Variants in SPOCK1 observed in about 807,000 individuals in gnomAD.
SPOCK1 encodes the protein testican-1.
A neutral mutation model predicts 55.3 loss-of-function variants in SPOCK1; 23 were observed. The ratio of observed to expected loss-of-function variants is 0.42; its 90% CI spans 0.30 to 0.59. The LOEUF is 0.59. SPOCK1 is among the 20% of genes least tolerant of loss of function. The pLI, the probability that SPOCK1 is intolerant of heterozygous loss-of-function variation, is 0.22. For missense variants in SPOCK1, 499 were observed against 552.5 expected (o/e 0.90, Z 0.97); for synonymous variants, 226 against 221.0 (o/e 1.02, Z -0.20).
chr5:137,189,202 G>A (rs964115674), intron 3 of SPOCK1, among the ~76,000 whole-genome samples: 2 of 152,242 alleles, frequency 1.3e-5, no homozygotes, highest in African/African-American at 4.8e-5. Flanking sequence ...AATTGGTGAA[G>A]GTGGCTACAC....
intron 6 of SPOCK1, among the ~76,000 whole-genome samples, chr5:137,058,404 G>T (rs562152927): frequency 6.6e-6 from 1 of 152,292 alleles, no homozygotes; most frequent in South Asian, 2.1e-4. Context: ...AAAGTGCTTA[G>T]CACAATTCAC....
chr5:137,236,403 G>A (rs1756182589), intron 3 of SPOCK1, among the ~76,000 whole-genome samples: 1 of 152,208 alleles, frequency 6.6e-6, no homozygotes, highest in Non-Finnish European at 1.5e-5. Context: ...GCATTATCAG[G>A]GTTAAGCTGC....
At chr5:137,330,913 G>A (rs967610916) in intron 2 of SPOCK1, among the ~76,000 whole-genome samples, 2 of 152,120 alleles carry the variant, frequency 1.3e-5, no homozygotes, top group African/African-American at 4.8e-5. Context: ...CACATTATAC[G>A]ATTTAATCCA....
At position 137,140,702 on chromosome 5, in the gene SPOCK1, A is replaced by C; in HGVS notation, c.233-8T>G. ...CCTTGGATGGGTCCAGGGCTGAGGCAAAAACAAGAAGGAGGGCAGGGTTTA... is the reference window on the plus strand; with the variant it reads ...CCTTGGATGGGTCCAGGGCTGAGGCCAAAACAAGAAGGAGGGCAGGGTTTA... On this transcript the variant is annotated splice_region_variant and splice_polypyrimidine_tract_variant and intron_variant, in intron 3 of 10. Coordinates refer to ENST00000394945, the MANE Select transcript of SPOCK1 (RefSeq NM_004598.4). The C allele has an allele frequency of 6.4e-7, 1 of 1,563,668 alleles. No homozygotes were observed. The highest frequency in any genetic ancestry group is 8.7e-7 in the Non-Finnish European group (1 of 1,154,676).
chr5:137,074,414 T>C (rs1752685905), intron 5 of SPOCK1, among the ~76,000 whole-genome samples: 2 of 152,220 alleles, frequency 1.3e-5, no homozygotes. Context: ...GGTGTCACAA[T>C]GCTGCAAATT....
chr5:137,265,514 CATAG>C (rs1487608757), intron 3 of SPOCK1, among the ~76,000 whole-genome samples: 1 of 152,198 alleles, frequency 6.6e-6, no homozygotes, highest in Non-Finnish European at 1.5e-5. Flanking sequence ...CAGTATTCTT[CATAG>C]ATAAAGTTTT....
intron 3 of SPOCK1, among the ~76,000 whole-genome samples, chr5:137,215,482 G>T (rs138560976): frequency 1.7e-4 from 26 of 152,278 alleles, no homozygotes; most frequent in Non-Finnish European, 3.5e-4. Context: ...ATGAGAATTA[G>T]AACAGTTGTG....
intron 3 of SPOCK1, among the ~76,000 whole-genome samples, chr5:137,257,498 TCACCAG>T (rs1412816951): frequency 6.6e-6 from 1 of 152,130 alleles, no homozygotes; most frequent in Non-Finnish European, 1.5e-5. Flanking sequence ...AAGAGGGCCC[TCACCAG>T]CACCCAGTTA....
chr5:137,382,988 A>C (rs1305667313), intron 2 of SPOCK1, among the ~76,000 whole-genome samples: 2 of 152,170 alleles, frequency 1.3e-5, no homozygotes, highest in African/African-American at 4.8e-5. Context: ...TCCACGTAGA[A>C]GAGCCAGCAC....
intron 2 of SPOCK1, among the ~76,000 whole-genome samples, chr5:137,482,348 G>A (rs755017056): frequency 2.0e-5 from 3 of 152,310 alleles, no homozygotes; most frequent in Admixed American, 6.5e-5. Context: ...AAGTAAAGAC[G>A]TGATCAGACA....
intron 5 of SPOCK1, among the ~76,000 whole-genome samples, chr5:137,102,140 ACTT>A (rs1244583535): frequency 2.6e-5 from 4 of 152,000 alleles, no homozygotes; most frequent in South Asian, 2.1e-4. Context: ...TTTTCCTCCC[ACTT>A]CTTCTGCTGA....
At chr5:137,107,031 C>T (rs756154266) in intron 5 of SPOCK1, among the ~76,000 whole-genome samples, 4 of 152,180 alleles carry the variant, frequency 2.6e-5, no homozygotes, top group Non-Finnish European at 5.9e-5. Context: ...TAAGATCTCA[C>T]CTGAACCATC....
chr5:137,490,630 G>A (rs1754155752), intron 2 of SPOCK1, among the ~76,000 whole-genome samples: 1 of 152,210 alleles, frequency 6.6e-6, no homozygotes, highest in Admixed American at 6.5e-5. Flanking sequence ...TAACATTAAA[G>A]TGACACCAAG....
chr5:137,287,584 T>C (rs774793349), intron 2 of SPOCK1, among the ~76,000 whole-genome samples: 4 of 152,240 alleles, frequency 2.6e-5, no homozygotes, highest in African/African-American at 4.8e-5. Flanking sequence ...CCATTTTTAA[T>C]CTCCAACTTT....
In SPOCK1 at chr5:137,044,544, T is replaced by C. The variant is rs192763707; in HGVS notation, c.589+23171A>G. On this transcript the variant is annotated intron_variant, in intron 6 of 10. Transcript: ENST00000394945. ...TTTTTTGTATTTAAGATGGAGATCA[T>C]AGTCCCTCCCAACACTGGGCTTTCA... Among the ~76,000 whole-genome samples, 7 of 152,344 alleles carry C rather than the reference T, an allele frequency of 4.6e-5. No individual in the cohort carries two copies. The East Asian group carries it at 7.7e-4, about 17-fold the overall frequency.
At chr5:137,126,965 T>C (rs528582829) in intron 4 of SPOCK1, among the ~76,000 whole-genome samples, 238 of 152,276 alleles carry the variant, frequency 1.6e-3, no homozygotes, top group Non-Finnish European at 2.0e-3. Flanking sequence ...AAAGATGAGA[T>C]TGTTCATCAA....
intron 2 of SPOCK1, among the ~76,000 whole-genome samples, chr5:137,312,441 G>A (rs1757804875): frequency 6.6e-6 from 1 of 152,182 alleles, no homozygotes. Context: ...GAGGCCTTCA[G>A]GAAAACCATG....
At chr5:137,461,456 C>T (rs1164487949) in intron 2 of SPOCK1, among the ~76,000 whole-genome samples, 1 of 152,216 alleles carries the variant, frequency 6.6e-6, no homozygotes, top group East Asian at 1.9e-4. Flanking sequence ...GAAATGTCTT[C>T]ATTAATGAAG....
At chr5:137,293,726 T>C (rs946956425) in intron 2 of SPOCK1, among the ~76,000 whole-genome samples, 1 of 152,234 alleles carries the variant, frequency 6.6e-6, no homozygotes, top group African/African-American at 2.4e-5. Context: ...AATAAAACTT[T>C]CAACGATGCA....
Sources: gnomAD v4.1 joint callset for allele counts (sites outside exome capture counted in the v4.1 genomes callset) on GRCh38, gnomAD v4.1.1 for gene constraint, MANE v1.5 for transcripts, NCBI Gene and HGNC (gene_info 2026-07-23, HGNC 2026-07-21) for gene names.